MECOM: variants seen among roughly 807,000 people sequenced by gnomAD.
MECOM encodes the protein histone-lysine N-methyltransferase MECOM.
A neutral mutation model predicts 116.3 loss-of-function variants in MECOM; 13 were observed. The ratio of observed to expected loss-of-function variants is 0.11; its 90% CI spans 0.07 to 0.18. MECOM has a LOEUF of 0.18. Among genes scored for constraint, MECOM ranks in the 10% least tolerant of loss-of-function variants. The pLI is 1.00. For synonymous variants in MECOM, 528 were observed against 535.2 expected (o/e 0.99, Z 0.19); for missense variants, 1,299 against 1,509.0 (o/e 0.86, Z 2.31).
At position 169,435,841 on chromosome 3, in the gene MECOM, T is replaced by G. The variant is rs573706334; in HGVS notation, c.38-54317A>C. On this transcript the variant is annotated intron_variant, in intron 1 of 16. Coordinates refer to ENST00000651503, the MANE Select transcript of MECOM (RefSeq NM_004991.4). ...AATCAGTATAAAAACAAGCAGACAA[T>G]AGCAGTAAAGTGCCATTATAAACAT... Among the ~76,000 whole-genome samples the G allele has an allele frequency of 1.6e-4, 24 of 152,232 alleles. No individual in the cohort carries two copies. The South Asian group carries it at 2.9e-3, about 18-fold the overall frequency.
chr3:169,188,980 T>C (rs1235642686), intron 2 of MECOM, among the ~76,000 whole-genome samples: 3 of 152,128 alleles, frequency 2.0e-5, no homozygotes, highest in Admixed American at 6.6e-5. Context: ...GTCACATTTA[T>C]ATTTGCATCC....
chr3:169,567,334 G>A (rs780092636), intron 1 of MECOM, among the ~76,000 whole-genome samples: 6 of 152,202 alleles, frequency 3.9e-5, no homozygotes, highest in African/African-American at 1.4e-4. Context: ...AGAACTATCT[G>A]TTCATTTCCC....
intron 1 of MECOM, chr3:169,389,510 A>ACTTT (rs1733905438): frequency 1.0e-6 from 1 of 963,458 alleles, no homozygotes; most frequent in Non-Finnish European, 1.2e-6. Flanking sequence ...ATGTGCCTCT[A>ACTTT]CTTTCTTTTG....
rs757234063 is a variant in MECOM at position 169,115,506 on chromosome 3, G to T, written c.2366C>A (p.Thr789Asn). ...SRSRASGTKL[T>N]EPRKNHVFGG... ...AAACACGTGGTTTTTTCGAGGCTCA[G>T]TCAGCTTTGTCCCACTGGCTCTACT... The change falls in exon 8 of 17, where the codon ACT becomes AAT. Residue 789 changes from threonine (T) to asparagine (N), a missense_variant. By Grantham distance (65) the Thr-to-Asn change is moderately conservative. Around this residue, in one of 6 missense-constraint regions of MECOM, gnomAD observed 340 missense variants for 312.6 expected, o/e 1.09. Transcript: ENST00000651503. 4.3e-6 allele frequency: 7 copies of T among 1,614,112 alleles called. No homozygotes were observed. The South Asian group carries it at 7.7e-5, about 18-fold the overall frequency.
chr3:169,232,447 A>G (rs925380439), intron 2 of MECOM, among the ~76,000 whole-genome samples: 2 of 152,112 alleles, frequency 1.3e-5, no homozygotes, highest in African/African-American at 4.8e-5. Context: ...AAGAAAAAAA[A>G]AAGGCAGGGA....
intron 2 of MECOM, among the ~76,000 whole-genome samples, chr3:169,316,070 T>C (rs111547947): frequency 3.3e-5 from 5 of 152,376 alleles, no homozygotes; most frequent in African/African-American, 4.8e-5. Flanking sequence ...TAGATTTAAA[T>C]TGATGAATAC....
chr3:169,304,837 A>ATAAAAAT (rs756496552), intron 2 of MECOM, among the ~76,000 whole-genome samples: 102 of 152,326 alleles, frequency 6.7e-4, no homozygotes, highest in Non-Finnish European at 1.1e-3. Flanking sequence ...TCTTAGAGTT[A>ATAAAAAT]GTTTTTATAA....
chr3:169,099,072 C>A (rs1490675078), intron 12 of MECOM, among the ~76,000 whole-genome samples: 1 of 149,536 alleles, frequency 6.7e-6, no homozygotes, highest in Non-Finnish European at 1.5e-5. Context: ...ATTTTGTTTT[C>A]CTCATTTTTT....
chr3:169,265,929 T>C (rs140980727), intron 2 of MECOM, among the ~76,000 whole-genome samples: 1 of 152,256 alleles, frequency 6.6e-6, no homozygotes, highest in African/African-American at 2.4e-5. Flanking sequence ...AGAGTAACAT[T>C]AATGGATTTC....
chr3:169,462,836 T>A (rs192185375), intron 1 of MECOM, among the ~76,000 whole-genome samples: 2 of 152,296 alleles, frequency 1.3e-5, no homozygotes, highest in African/African-American at 4.8e-5. Flanking sequence ...ATTTTGAAAA[T>A]TTCTTAAAAA....
At chr3:169,428,397 A>G (rs955089858) in intron 1 of MECOM, among the ~76,000 whole-genome samples, 1 of 152,108 alleles carries the variant, frequency 6.6e-6, no homozygotes, top group Non-Finnish European at 1.5e-5. Context: ...CGCAGTTCAC[A>G]ATAGGGTTCA....
chr3:169,571,352 A>C (rs1231007262), intron 1 of MECOM, among the ~76,000 whole-genome samples: 1 of 152,230 alleles, frequency 6.6e-6, no homozygotes. Flanking sequence ...TGACACAAAC[A>C]AATGGAAAAA....
intron 1 of MECOM, among the ~76,000 whole-genome samples, chr3:169,648,806 A>G (rs1311961133): frequency 6.6e-6 from 1 of 152,202 alleles, no homozygotes; most frequent in Non-Finnish European, 1.5e-5. Flanking sequence ...CTTCTACTGG[A>G]TAAAAATTGA....
At chr3:169,238,182 A>T (rs1338003984) in intron 2 of MECOM, among the ~76,000 whole-genome samples, 1 of 151,566 alleles carries the variant, frequency 6.6e-6, no homozygotes, top group African/African-American at 2.4e-5. Flanking sequence ...CTCAAAAAAA[A>T]AAAAAAAAGA....
intron 1 of MECOM, chr3:169,566,141 G>A: frequency 1.2e-5 from 3 of 253,298 alleles, no homozygotes; most frequent in East Asian, 1.5e-4. Flanking sequence ...CACAAGAACA[G>A]CATGGAGGAA....
chr3:169,461,441 G>A (rs1285348973), intron 1 of MECOM, among the ~76,000 whole-genome samples: 1 of 152,128 alleles, frequency 6.6e-6, no homozygotes, highest in Non-Finnish European at 1.5e-5. Flanking sequence ...TTTTAGGACT[G>A]CAAAGACATC....
chr3:169,603,723 G>A (rs552402293), intron 1 of MECOM, among the ~76,000 whole-genome samples: 1 of 152,200 alleles, frequency 6.6e-6, no homozygotes, highest in East Asian at 1.9e-4. Flanking sequence ...GGAGCAACAG[G>A]GTACACCATA....
intron 2 of MECOM, among the ~76,000 whole-genome samples, chr3:169,220,275 C>A (rs1489107276): frequency 6.6e-6 from 1 of 152,182 alleles, no homozygotes; most frequent in African/African-American, 2.4e-5. Context: ...CTGCAGTGAG[C>A]TGTTTAGTCC....
intron 1 of MECOM, among the ~76,000 whole-genome samples, chr3:169,441,650 T>G (rs1258437683): frequency 6.6e-6 from 1 of 152,056 alleles, no homozygotes; most frequent in African/African-American, 2.4e-5. Context: ...ATGTCAAATA[T>G]GCATAAAATT....
Sources: gnomAD v4.1 joint callset for allele counts (sites outside exome capture counted in the v4.1 genomes callset) on GRCh38, gnomAD v4.1.1 for gene constraint, gnomAD v4.1.1 regional missense constraint, MANE v1.5 for transcripts, NCBI Gene and HGNC (gene_info 2026-07-23, HGNC 2026-07-21) for gene names.